The following KLRG1 variants were observed in gnomAD, a reference collection of about 807,000 sequenced individuals.
KLRG1 encodes killer cell lectin-like receptor subfamily G member 1.
In KLRG1, 16 loss-of-function variants were observed where a neutral mutation model predicts 21.8. That is an observed-to-expected ratio of 0.73 (90% CI 0.50 to 1.11). The LOEUF (loss-of-function observed/expected upper bound fraction) is 1.11. Among genes scored for constraint, KLRG1 ranks in the 50% most tolerant of loss-of-function variants. The probability of loss-of-function intolerance (pLI) is 0.00; values close to 1 mark genes in which losing one functional copy is unlikely to be tolerated. For missense variants in KLRG1, 173 were observed against 218.3 expected (o/e 0.79, Z 1.31); for synonymous variants, 69 against 75.9 (o/e 0.91, Z 0.47).
the KLRG1 span, chr12:9,181,045 G>C: frequency 4.3e-6 from 7 of 1,614,202 alleles, no homozygotes; most frequent in Non-Finnish European, 5.9e-6. Context: ...ACAGCACGAA[G>C]GGCACAGAGG....
the KLRG1 span, chr12:9,116,311 G>C: frequency 9.3e-6 from 2 of 214,798 alleles, no homozygotes; most frequent in Admixed American, 1.0e-4. Flanking sequence ...CAGTGTGGCT[G>C]CAAGTTCTCC....
chr12:9,088,495 C>T, the KLRG1 span, among the ~76,000 whole-genome samples: 6 of 151,964 alleles, frequency 3.9e-5, no homozygotes, highest in Admixed American at 2.6e-4. Context: ...TTTTAGGGTA[C>T]ATTTTATGTG....
chr12:9,089,836 ATAT>A, the KLRG1 span: 2 of 1,003,508 alleles, frequency 2.0e-6, no homozygotes, highest in East Asian at 5.7e-5. Flanking sequence ...AAATATCCAT[ATAT>A]TATTATATTA....
intron 1 of KLRG1, among the ~76,000 whole-genome samples, chr12:8,968,449 C>G (rs1946515432): frequency 6.6e-6 from 1 of 151,954 alleles, no homozygotes; most frequent in Admixed American, 6.6e-5. Context: ...GTGTTTGCAC[C>G]TAATAACATA....
the KLRG1 span, chr12:9,163,857 C>A: frequency 6.6e-7 from 1 of 1,516,424 alleles, no homozygotes. Context: ...AGGGCTGCAC[C>A]TTAAACTTAT....
chr12:9,146,614 T>G, the KLRG1 span, among the ~76,000 whole-genome samples: 1 of 151,700 alleles, frequency 6.6e-6, no homozygotes, highest in Non-Finnish European at 1.5e-5. Flanking sequence ...GGAAGGCACC[T>G]CTCCCATTCT....
At chr12:9,114,022 C>T in the KLRG1 span, among the ~76,000 whole-genome samples, 1 of 152,154 alleles carries the variant, frequency 6.6e-6, no homozygotes, top group Non-Finnish European at 1.5e-5. Flanking sequence ...GGTAAGCACT[C>T]GCTTCCACTC....
At chr12:9,103,775 T>G in the KLRG1 span, among the ~76,000 whole-genome samples, 1 of 152,192 alleles carries the variant, frequency 6.6e-6, no homozygotes, top group Non-Finnish European at 1.5e-5. Flanking sequence ...AATATTCTGT[T>G]GTATTTATAT....
chr12:9,038,792 G>T, the KLRG1 span, among the ~76,000 whole-genome samples: 1 of 151,866 alleles, frequency 6.6e-6, no homozygotes, highest in African/African-American at 2.4e-5. Flanking sequence ...CCAGCTACTC[G>T]GGAGGCTGAG....
At chr12:9,040,587 A>T in the KLRG1 span, among the ~76,000 whole-genome samples, 1 of 152,206 alleles carries the variant, frequency 6.6e-6, no homozygotes, top group Non-Finnish European at 1.5e-5. Flanking sequence ...ACTAAAACTT[A>T]CTTTTATTTA....
At chr12:9,112,242 A>C in the KLRG1 span, 17 of 1,613,716 alleles carry the variant, frequency 1.1e-5, no homozygotes, top group East Asian at 3.8e-4. Context: ...ATGAGCCCCC[A>C]AACCCAAAGT....
chr12:9,121,680 C>T, the KLRG1 span, among the ~76,000 whole-genome samples: 2 of 152,198 alleles, frequency 1.3e-5, no homozygotes. The surrounding 1 kb of genome is among the most constrained non-coding windows in gnomAD (Gnocchi z 4.4). Flanking sequence ...CCTATGTTTG[C>T]TACAGAGGAA....
chr12:9,157,066 C>T, the KLRG1 span: 2 of 1,049,638 alleles, frequency 1.9e-6, no homozygotes, highest in African/African-American at 1.6e-5. Context: ...AGCTATCTAT[C>T]CTGATGCTCT....
chr12:9,124,935 C>T, the KLRG1 span, among the ~76,000 whole-genome samples: 1 of 152,210 alleles, frequency 6.6e-6, no homozygotes, highest in Non-Finnish European at 1.5e-5. Context: ...GCCCATGGAT[C>T]AATCAGCAGG....
At chr12:8,970,440 C>T (rs1946548070) in intron 1 of KLRG1, 1 of 152,224 alleles carries the variant, frequency 6.6e-6, no homozygotes, top group African/African-American at 2.4e-5. Flanking sequence ...AACAGATAGC[C>T]TGTATATTCC....
chr12:9,109,868 A>AAAT, the KLRG1 span: 3 of 1,595,672 alleles, frequency 1.9e-6, no homozygotes, highest in African/African-American at 4.1e-5. Flanking sequence ...GATCCATACC[A>AAAT]AATTCCTCCA....
the KLRG1 span, among the ~76,000 whole-genome samples, chr12:9,105,628 A>G: frequency 6.6e-6 from 1 of 152,224 alleles, no homozygotes; most frequent in African/African-American, 2.4e-5. Context: ...AAAAATTGTA[A>G]GAGAAGATTT....
At chr12:9,090,639 A>T in the KLRG1 span, 2 of 707,362 alleles carry the variant, frequency 2.8e-6, no homozygotes, top group Non-Finnish European at 4.5e-6. Context: ...ATTTAAGTGG[A>T]TCTTAATGTA....
the KLRG1 span, among the ~76,000 whole-genome samples, chr12:9,197,981 A>T: frequency 2.2e-5 from 3 of 134,830 alleles, no homozygotes; most frequent in African/African-American, 8.3e-5. Flanking sequence ...ATTAATATAT[A>T]TTATATATAT....
Sources: gnomAD v4.1 joint callset for allele counts (sites outside exome capture counted in the v4.1 genomes callset) on GRCh38, gnomAD v4.1.1 for gene constraint, Gnocchi (gnomAD v3.1) non-coding constraint, MANE v1.5 for transcripts, NCBI Gene and HGNC (gene_info 2026-07-23, HGNC 2026-07-21) for gene names.